WDR27: variants seen among roughly 807,000 people sequenced by gnomAD.
WDR27 encodes WD repeat-containing protein 27.
A neutral mutation model predicts 114.4 loss-of-function variants in WDR27; 100 were observed. The ratio of observed to expected loss-of-function variants is 0.87; its 90% CI spans 0.74 to 1.03. The LOEUF (loss-of-function observed/expected upper bound fraction) is 1.03, where lower values mean the gene tolerates loss of function less well. WDR27 is among the 50% of genes least tolerant of loss of function. The probability of loss-of-function intolerance (pLI) is 0.00; values close to 1 mark genes in which losing one functional copy is unlikely to be tolerated. For missense variants in WDR27, 1,129 were observed against 1,092.9 expected (o/e 1.03, Z -0.47); for synonymous variants, 449 against 423.1 (o/e 1.06, Z -0.75).
intron 25 of WDR27, among the ~76,000 whole-genome samples, chr6:169,499,032 A>C (rs1481319565): frequency 6.6e-6 from 1 of 152,252 alleles, no homozygotes; most frequent in East Asian, 1.9e-4. Flanking sequence ...TGTCAACAGC[A>C]ATACCCCATT....
rs182501725 is a variant in WDR27 at position 169,659,710 on chromosome 6, A to G, written c.1130-192T>C. ...CCCCAGGCCACACACACACCAGCGC[A>G]CACACCACACACACACCAGGCCCTG... On this transcript the variant is annotated intron_variant, in intron 10 of 25. Transcript: ENST00000448612. The surrounding 1 kb of genome is among the most constrained non-coding windows in gnomAD (Gnocchi z 4.3). 5.9e-5 allele frequency among the ~76,000 whole-genome samples: 9 copies of G among 151,938 alleles called. No individual in the cohort carries two copies. Among genetic ancestry groups the G allele is most frequent in the East Asian group, 1.9e-4 (1 of 5,156 alleles).
At chr6:169,462,809 C>T (rs1785080014) in intron 25 of WDR27, among the ~76,000 whole-genome samples, 2 of 152,078 alleles carry the variant, frequency 1.3e-5, no homozygotes, top group Non-Finnish European at 2.9e-5. Context: ...GATGGTTCAA[C>T]AAAAATTGAT....
intron 25 of WDR27, among the ~76,000 whole-genome samples, chr6:169,546,511 C>T (rs1398147695): frequency 6.6e-6 from 1 of 152,148 alleles, no homozygotes. Flanking sequence ...AGATGTGTAT[C>T]CACAGTCTCC....
intron 21 of WDR27, among the ~76,000 whole-genome samples, chr6:169,627,090 G>A (rs1359018748): frequency 6.6e-6 from 1 of 152,102 alleles, no homozygotes; most frequent in East Asian, 1.9e-4. Context: ...AATTTGTCAG[G>A]GTCCTCCTCC....
intron 2 of WDR27, among the ~76,000 whole-genome samples, chr6:169,677,726 T>C (rs542523649): frequency 2.6e-5 from 4 of 152,316 alleles, no homozygotes; most frequent in Non-Finnish European, 4.4e-5. Flanking sequence ...CCCTGAAGTC[T>C]AGGAGGAAAG....
At chr6:169,522,583 C>T (rs548704885) in intron 25 of WDR27, among the ~76,000 whole-genome samples, 1 of 151,994 alleles carries the variant, frequency 6.6e-6, no homozygotes, top group South Asian at 2.1e-4. Flanking sequence ...AAACAAGTAT[C>T]AACAAATTCA....
At chr6:169,585,776 G>GT (rs1165411004) in intron 23 of WDR27, among the ~76,000 whole-genome samples, 1 of 152,128 alleles carries the variant, frequency 6.6e-6, no homozygotes, top group Non-Finnish European at 1.5e-5. Context: ...GGGAGGAGGA[G>GT]TAGCAGGGGT....
chr6:169,625,933 G>A (rs756065242), intron 21 of WDR27, among the ~76,000 whole-genome samples: 3 of 152,204 alleles, frequency 2.0e-5, no homozygotes, highest in Non-Finnish European at 4.4e-5. Flanking sequence ...GGGTGTGAGA[G>A]AATGGCCCAG....
At chr6:169,651,722 G>C (rs748132496) in intron 14 of WDR27, among the ~76,000 whole-genome samples, 5 of 152,150 alleles carry the variant, frequency 3.3e-5, no homozygotes, top group Non-Finnish European at 7.3e-5. Flanking sequence ...CCAGCACATG[G>C]TGAATGCTCA....
intron 25 of WDR27, among the ~76,000 whole-genome samples, chr6:169,481,180 T>A (rs1787996247): frequency 1.3e-5 from 2 of 152,062 alleles, no homozygotes; most frequent in South Asian, 4.1e-4. Flanking sequence ...TGTGTCTAGC[T>A]AATCTAGTGG....
intron 25 of WDR27, among the ~76,000 whole-genome samples, chr6:169,545,278 G>T (rs1797322679): frequency 6.6e-6 from 1 of 152,132 alleles, no homozygotes; most frequent in African/African-American, 2.4e-5. Context: ...ATTTGATAAA[G>T]GTGTAAAACA....
chr6:169,614,624 G>A (rs1031384992), intron 21 of WDR27, among the ~76,000 whole-genome samples: 1 of 151,702 alleles, frequency 6.6e-6, no homozygotes, highest in Non-Finnish European at 1.5e-5. Context: ...GGAGGTGAAA[G>A]TTGCAGTGAG....
the WDR27 span, among the ~76,000 whole-genome samples, chr6:169,446,799 GT>G: frequency 1.3e-5 from 2 of 151,998 alleles, no homozygotes; most frequent in Non-Finnish European, 1.5e-5. Flanking sequence ...TAACCACTTG[GT>G]TATTAACATT....
chr6:169,535,111 A>G (rs1338140413), intron 25 of WDR27, among the ~76,000 whole-genome samples: 1 of 152,250 alleles, frequency 6.6e-6, no homozygotes, highest in African/African-American at 2.4e-5. Flanking sequence ...TAGCTCTGCT[A>G]TGAACAAGCA....
chr6:169,687,602 C>A (rs1269831678), intron 2 of WDR27, among the ~76,000 whole-genome samples: 1 of 151,978 alleles, frequency 6.6e-6, no homozygotes, highest in African/African-American at 2.4e-5. Flanking sequence ...AGTCACACAC[C>A]ATTAGAAGAA....
chr6:169,545,466 C>T (rs765324210), intron 25 of WDR27, among the ~76,000 whole-genome samples: 7 of 152,100 alleles, frequency 4.6e-5, no homozygotes, highest in Non-Finnish European at 8.8e-5. Flanking sequence ...GAGGCCAAAG[C>T]GGGTGGATCA....
At position 169,670,552 on chromosome 6, in the gene WDR27, G is replaced by C; in HGVS notation, c.456+17C>G. 6.2e-7 allele frequency: 1 copy of C among 1,613,884 alleles called. No individual in the cohort carries two copies. The highest frequency in any genetic ancestry group is 8.5e-7 in the Non-Finnish European group (1 of 1,179,826). Reference sequence around the variant, plus strand: ...AGCTAAACCCTTCCGTGAAATCCACGTGAATTTCAATCTTACCTCAATATC... The same window carrying C: ...AGCTAAACCCTTCCGTGAAATCCACCTGAATTTCAATCTTACCTCAATATC... On this transcript the variant is annotated intron_variant, in intron 4 of 25. Coordinates refer to ENST00000448612, the MANE Select transcript of WDR27 (RefSeq NM_182552.5).
chr6:169,426,451 G>A, the WDR27 span: 17 of 152,242 alleles, frequency 1.1e-4, no homozygotes, highest in African/African-American at 4.1e-4. Flanking sequence ...CTTTATTAAA[G>A]GTTAACCGTC....
chr6:169,553,809 T>C (rs1218427659), intron 25 of WDR27, among the ~76,000 whole-genome samples: 1 of 152,140 alleles, frequency 6.6e-6, no homozygotes, highest in Admixed American at 6.5e-5. Flanking sequence ...ATGTTCATAA[T>C]ATATTGTGTT....
Sources: allele counts gnomAD v4.1 joint callset (sites outside exome capture counted in the v4.1 genomes callset), GRCh38; gene constraint gnomAD v4.1.1; non-coding constraint Gnocchi (gnomAD v3.1); transcripts MANE v1.5; gene names NCBI Gene and HGNC (gene_info 2026-07-23, HGNC 2026-07-21).